Variants in OR51B5 observed in about 807,000 individuals in gnomAD.
The protein encoded by OR51B5 is olfactory receptor family 51 subfamily B member 5, also known as olfactory receptor 51B5.
For missense variants in OR51B5, 456 were observed against 374.6 expected (o/e 1.22, Z -1.79); for synonymous variants, 186 against 144.8 (o/e 1.28, Z -2.04).
chr11:5,489,033 T>G, intron 1 of OR51B5: 1 of 1,614,126 alleles, frequency 6.2e-7, no homozygotes, highest in Middle Eastern at 1.6e-4. Context: ...GTGTCCATTC[T>G]ATCTATGCTC....
intron 1 of OR51B5, among the ~76,000 whole-genome samples, chr11:5,476,882 G>T (rs1218268402): frequency 1.3e-5 from 2 of 152,172 alleles, no homozygotes; most frequent in Admixed American, 6.5e-5. Context: ...AATATCCTCT[G>T]AAGTTTACCT....
intron 1 of OR51B5, among the ~76,000 whole-genome samples, chr11:5,472,096 A>G (rs939481189): frequency 3.9e-5 from 6 of 152,092 alleles, no homozygotes; most frequent in African/African-American, 1.4e-4. Flanking sequence ...AGGCATTCAC[A>G]CCAAACAAAG....
At chr11:5,430,705 G>A (rs1036582805) in intron 1 of OR51B5, 4 of 456,546 alleles carry the variant, frequency 8.8e-6, no homozygotes, top group African/African-American at 2.0e-5. Flanking sequence ...CTGTCTTATT[G>A]TCTGGGTCTT....
At chr11:5,365,709 C>A (rs1026793829) in intron 1 of OR51B5, among the ~76,000 whole-genome samples, 3 of 152,152 alleles carry the variant, frequency 2.0e-5, no homozygotes, top group African/African-American at 7.2e-5. Context: ...CAAACTGATA[C>A]ATTTAAATTG....
intron 1 of OR51B5, chr11:5,468,794 A>G: frequency 2.2e-6 from 1 of 455,802 alleles, no homozygotes; most frequent in Non-Finnish European, 4.4e-6. Flanking sequence ...ATCTACACCA[A>G]AGGCAGAGAT....
chr11:5,469,092 AG>A, intron 1 of OR51B5: 1 of 237,552 alleles, frequency 4.2e-6, no homozygotes, highest in South Asian at 5.3e-5. Context: ...AACTCTGTCC[AG>A]GAGGAAAAGT....
intron 1 of OR51B5, among the ~76,000 whole-genome samples, chr11:5,459,062 C>G (rs1318553090): frequency 6.6e-6 from 1 of 151,980 alleles, no homozygotes; most frequent in Non-Finnish European, 1.5e-5. Context: ...TAGCTTTTGC[C>G]CATTTAGTAT....
intron 1 of OR51B5, among the ~76,000 whole-genome samples, chr11:5,381,130 C>T (rs1182788825): frequency 1.4e-5 from 2 of 139,002 alleles, no homozygotes; most frequent in South Asian, 2.5e-4. Context: ...CCCCACCCCA[C>T]CTCTCTCTCT....
At chr11:5,375,106 G>A (rs1361722356) in intron 1 of OR51B5, among the ~76,000 whole-genome samples, 1 of 149,816 alleles carries the variant, frequency 6.7e-6, no homozygotes, top group African/African-American at 2.5e-5. Flanking sequence ...ACCCACAAAG[G>A]GAAGCCCATC....
At chr11:5,444,023 C>A (rs559472791) in intron 1 of OR51B5, among the ~76,000 whole-genome samples, 8 of 152,206 alleles carry the variant, frequency 5.3e-5, no homozygotes, top group Non-Finnish European at 8.8e-5. Context: ...CATGCAACAA[C>A]TTAGGAAGAC....
chr11:5,502,309 T>G (rs1400195920), intron 1 of OR51B5, among the ~76,000 whole-genome samples: 1 of 152,192 alleles, frequency 6.6e-6, no homozygotes, highest in East Asian at 1.9e-4. Flanking sequence ...ACTCTCCCTC[T>G]CATTCTCTGT....
chr11:5,402,785 C>T (rs1269982856), intron 1 of OR51B5: 5 of 471,578 alleles, frequency 1.1e-5, no homozygotes, highest in South Asian at 3.1e-5. Flanking sequence ...AACCCATGTA[C>T]CTCTTCCTTG....
chr11:5,363,413 ATTGTT>A (rs1849317483), intron 1 of OR51B5, among the ~76,000 whole-genome samples: 1 of 150,006 alleles, frequency 6.7e-6, no homozygotes, highest in Non-Finnish European at 1.5e-5. Flanking sequence ...TCACCAATTA[ATTGTT>A]CCTTTAAGCC....
At chr11:5,425,369 T>C (rs1297235595) in intron 1 of OR51B5, among the ~76,000 whole-genome samples, 2 of 152,230 alleles carry the variant, frequency 1.3e-5, no homozygotes, top group Non-Finnish European at 1.5e-5. Flanking sequence ...TATCTATCGA[T>C]GCAATTTTGT....
At chr11:5,389,147 G>C (rs535136362) in intron 1 of OR51B5, among the ~76,000 whole-genome samples, 3 of 152,258 alleles carry the variant, frequency 2.0e-5, no homozygotes, top group Admixed American at 6.5e-5. Context: ...CTTAAGGGTT[G>C]AGCAATAAAG....
At chr11:5,430,404 A>T (rs1048835812) in intron 1 of OR51B5, among the ~76,000 whole-genome samples, 2 of 152,196 alleles carry the variant, frequency 1.3e-5, no homozygotes, top group Non-Finnish European at 2.9e-5. Context: ...CTTCTGCCCC[A>T]AAGTCACCAT....
Position 5,465,803 on chromosome 11 carries a change from C to T in OR51B5, n.84+39766G>A, listed in dbSNP as rs371276695. ...CCTTCCTTACACCTTATACAAAAAT[C>T]AATTCAAGATGGATTAAAGACTTAA... On this transcript the variant is annotated intron_variant and non_coding_transcript_variant, in intron 1 of 4. Transcript: ENST00000415970. Among the ~76,000 whole-genome samples, 4 of 147,840 alleles carry T rather than the reference C, an allele frequency of 2.7e-5. 1 individual carries two copies. Among genetic ancestry groups the T allele is most frequent in the South Asian group, 4.4e-4 (2 of 4,502 alleles).
rs545604673 is a variant in OR51B5 at position 5,468,147 on chromosome 11, G to A, written n.84+37422C>T. ...AATCTACATTATAACATTATATAACGAATGTATGCATTAGTTTTTGTCTGT... is the reference window on the plus strand; with the variant it reads ...AATCTACATTATAACATTATATAACAAATGTATGCATTAGTTTTTGTCTGT... On this transcript the variant is annotated intron_variant and non_coding_transcript_variant, in intron 1 of 4. Transcript: ENST00000415970. 8.7e-4 allele frequency among the ~76,000 whole-genome samples: 132 copies of A among 152,248 alleles called. 1 individual carries two copies. Among genetic ancestry groups the A allele is most frequent in the African/African-American group, 2.8e-3 (116 of 41,542 alleles).
intron 1 of OR51B5, chr11:5,422,746 C>G (rs777125460): frequency 2.8e-5 from 45 of 1,614,014 alleles, no homozygotes; most frequent in Non-Finnish European, 3.5e-5. Context: ...CCTATTGCCT[C>G]CACCAGGATA....
Sources: gnomAD v4.1 joint callset for allele counts (sites outside exome capture counted in the v4.1 genomes callset) on GRCh38, gnomAD v4.1.1 for gene constraint, MANE v1.5 for transcripts, NCBI Gene and HGNC (gene_info 2026-07-23, HGNC 2026-07-21) for gene names.